RASGEF1A: variants seen among roughly 807,000 people sequenced by gnomAD.
RASGEF1A encodes the protein ras-GEF domain-containing family member 1A.
Under a neutral mutation model 56.4 loss-of-function variants are expected in RASGEF1A, and 18 were observed. The ratio of observed to expected loss-of-function variants is 0.32; its 90% CI spans 0.22 to 0.47. The LOEUF (loss-of-function observed/expected upper bound fraction) is 0.47. Among genes scored for constraint, RASGEF1A ranks in the 20% least tolerant of loss-of-function variants. The probability of loss-of-function intolerance (pLI) is 1.00; values close to 1 mark genes in which losing one functional copy is unlikely to be tolerated. For missense variants in RASGEF1A, 422 were observed against 627.1 expected, an observed-to-expected ratio of 0.67 and a Z score of 3.49; for synonymous variants, 245 against 242.6, an observed-to-expected ratio of 1.01 and a Z score of -0.09.
chr10:43,208,788 C>T (rs1352885545), intron 1 of RASGEF1A: 2 of 985,468 alleles, frequency 2.0e-6, no homozygotes, highest in Non-Finnish European at 2.4e-6. Context: ...CCACCCTGCC[C>T]AGCCACGGAG....
At chr10:43,213,588 A>G (rs1033761752) in intron 1 of RASGEF1A, among the ~76,000 whole-genome samples, 1 of 152,186 alleles carries the variant, frequency 6.6e-6, no homozygotes, top group African/African-American at 2.4e-5. Context: ...TACGAATGAC[A>G]TTCCTTTTTG....
At chr10:43,204,625 C>G (rs1180922031) in intron 2 of RASGEF1A, among the ~76,000 whole-genome samples, 2 of 152,054 alleles carry the variant, frequency 1.3e-5, no homozygotes, top group Admixed American at 1.3e-4. Context: ...TGTTTGTGTG[C>G]ATGTGTGAGT....
intron 9 of RASGEF1A, 145 bp from the exon 10 acceptor site, chr10:43,198,340 C>T (rs984425792): frequency 5.0e-5 from 33 of 658,364 alleles, no homozygotes; most frequent in Middle Eastern, 8.7e-4. Flanking sequence ...GGGGAGGGGA[C>T]GCCCAAGGGT....
intron 1 of RASGEF1A, among the ~76,000 whole-genome samples, chr10:43,214,054 G>A (rs908772796): frequency 6.6e-6 from 1 of 152,226 alleles, no homozygotes; most frequent in Non-Finnish European, 1.5e-5. Context: ...CAGCCACACA[G>A]TGTGTACACC....
intron 1 of RASGEF1A, among the ~76,000 whole-genome samples, chr10:43,230,688 G>A (rs2133210467): frequency 6.6e-6 from 1 of 152,276 alleles, no homozygotes; most frequent in East Asian, 1.9e-4. Context: ...CGGGCTGATG[G>A]ACAATCGTGA....
At chr10:43,222,343 T>C (rs927288071) in intron 1 of RASGEF1A, among the ~76,000 whole-genome samples, 2 of 152,174 alleles carry the variant, frequency 1.3e-5, no homozygotes, top group African/African-American at 4.8e-5. Flanking sequence ...CTGGACAGCC[T>C]GGCTGGGGGC....
intron 1 of RASGEF1A, chr10:43,207,309 G>C (rs1840009270): frequency 1.0e-6 from 1 of 985,298 alleles, no homozygotes; most frequent in African/African-American, 1.8e-5. Flanking sequence ...GATTACTTCA[G>C]TGCCATGACA....
intron 1 of RASGEF1A, among the ~76,000 whole-genome samples, chr10:43,219,432 G>A (rs961403993): frequency 3.3e-5 from 5 of 152,208 alleles, no homozygotes; most frequent in Non-Finnish European, 7.4e-5. Context: ...TCACCCCTCT[G>A]GGGTCCCTGT....
At chr10:43,237,523 G>A (rs543073661) in intron 1 of RASGEF1A, among the ~76,000 whole-genome samples, 2 of 146,436 alleles carry the variant, frequency 1.4e-5, no homozygotes, top group South Asian at 4.6e-4. Flanking sequence ...CCTGACCCCG[G>A]CTCCTCCTGA....
chr10:43,208,125 T>C (rs1305329670), intron 1 of RASGEF1A: 7 of 985,368 alleles, frequency 7.1e-6, no homozygotes, highest in African/African-American at 1.7e-5. Context: ...CTGAGGCCAA[T>C]GCACTGTGGG....
intron 1 of RASGEF1A, chr10:43,206,696 G>T: frequency 1.0e-6 from 1 of 987,176 alleles, no homozygotes; most frequent in Non-Finnish European, 1.2e-6. Flanking sequence ...TGGCTGCCAC[G>T]TGGATGGTGG....
intron 1 of RASGEF1A, among the ~76,000 whole-genome samples, chr10:43,249,497 G>A (rs1213760860): frequency 6.6e-6 from 1 of 152,238 alleles, no homozygotes; most frequent in African/African-American, 2.4e-5. Flanking sequence ...CTGGTGATTT[G>A]GCCAGCAAGG....
At chr10:43,229,253 C>G (rs1049777499) in intron 1 of RASGEF1A, among the ~76,000 whole-genome samples, 6 of 152,342 alleles carry the variant, frequency 3.9e-5, no homozygotes, top group Non-Finnish European at 7.4e-5. Flanking sequence ...AGCCCTCCCC[C>G]GCCTGCACCT....
At chr10:43,236,818 G>A (rs1456023067) in intron 1 of RASGEF1A, among the ~76,000 whole-genome samples, 5 of 152,330 alleles carry the variant, frequency 3.3e-5, no homozygotes, top group Middle Eastern at 3.4e-3. Flanking sequence ...GGAGAAGAGA[G>A]ACTCAGAGGA....
In RASGEF1A at chr10:43,224,837, G is replaced by C. The variant is rs1419240836; in HGVS notation, c.-6-18715C>G. Among the ~76,000 whole-genome samples, 4 of 152,318 alleles carry C rather than the reference G, an allele frequency of 2.6e-5. No individual in the cohort carries two copies. The East Asian group carries it at 7.7e-4, about 29-fold the overall frequency. On this transcript the variant is annotated intron_variant, in intron 1 of 12. Transcript: ENST00000395810. Reference sequence around the variant, plus strand: ...TATAATTAATTTCTTGGATTTTCCAGGAAGCCAAACTAAAAATCTGTTCAA... The same window carrying C: ...TATAATTAATTTCTTGGATTTTCCACGAAGCCAAACTAAAAATCTGTTCAA...
intron 1 of RASGEF1A, among the ~76,000 whole-genome samples, chr10:43,215,207 T>C (rs917926396): frequency 4.6e-5 from 7 of 152,144 alleles, no homozygotes; most frequent in Admixed American, 4.6e-4. Context: ...GGGCCCATCA[T>C]GCATGAGTCC....
chr10:43,219,178 C>T (rs986708868), intron 1 of RASGEF1A, among the ~76,000 whole-genome samples: 2 of 152,226 alleles, frequency 1.3e-5, no homozygotes, highest in Admixed American at 6.5e-5. Context: ...CCTGCTCCCC[C>T]CTCCCCTTGG....
At chr10:43,206,599 A>G in intron 1 of RASGEF1A, 1 of 995,034 alleles carries the variant, frequency 1.0e-6, no homozygotes, top group South Asian at 4.5e-5. Flanking sequence ...GGACAGTCTG[A>G]GGACTCAGGG....
intron 1 of RASGEF1A, among the ~76,000 whole-genome samples, chr10:43,211,155 C>T (rs971609918): frequency 6.6e-6 from 1 of 152,224 alleles, no homozygotes; most frequent in Non-Finnish European, 1.5e-5. Flanking sequence ...CTGGAGGACG[C>T]GCCTCACTCC....
Sources: allele counts gnomAD v4.1 joint callset (sites outside exome capture counted in the v4.1 genomes callset), GRCh38; gene constraint gnomAD v4.1.1; transcripts MANE v1.5; gene names NCBI Gene and HGNC (gene_info 2026-07-23, HGNC 2026-07-21).